OPRK1: variants seen among roughly 807,000 people sequenced by gnomAD.
OPRK1 encodes kappa-type opioid receptor.
In OPRK1, 15 loss-of-function variants were observed where a neutral mutation model predicts 24.5. The ratio of observed to expected loss-of-function variants is 0.61; its 90% CI spans 0.41 to 0.94. The LOEUF (loss-of-function observed/expected upper bound fraction) is 0.94, where lower values mean the gene tolerates loss of function less well. Among genes scored for constraint, OPRK1 ranks in the 40% least tolerant of loss-of-function variants. The probability of loss-of-function intolerance (pLI) is 0.00; values close to 1 mark genes in which losing one functional copy is unlikely to be tolerated. For missense variants in OPRK1, 479 were observed against 507.3 expected, an observed-to-expected ratio of 0.94 and a Z score of 0.54; for synonymous variants, 205 against 198.0, an observed-to-expected ratio of 1.04 and a Z score of -0.30.
intron 2 of OPRK1, among the ~76,000 whole-genome samples, chr8:53,245,223 C>G (rs1807202203): frequency 6.6e-6 from 1 of 152,116 alleles, no homozygotes; most frequent in Non-Finnish European, 1.5e-5. Context: ...GAGACAGGAG[C>G]TTTAAAGAGA....
Position 53,229,441 on chromosome 8 carries a change from A to G in OPRK1, c.999T>C (p.Leu333=). Residue 333 remains leucine (L), a synonymous_variant, in exon 4 of 4, where the codon CTT becomes CTC. Coordinates refer to ENST00000265572, the MANE Select transcript of OPRK1 (RefSeq NM_000912.5). The part of the protein sequence containing the change: ...SSLNPILYAF[L]DENFKRCFRD... ...GGAAACACCGCTTGAAGTTTTCATC[A>G]AGAAAGGCGTAGAGAATGGGATTCA... 6.2e-7 allele frequency: 1 copy of G among 1,614,190 alleles called. No individual in the cohort carries two copies. The highest frequency in any genetic ancestry group is 8.5e-7 in the Non-Finnish European group (1 of 1,180,042).
intron 2 of OPRK1, among the ~76,000 whole-genome samples, chr8:53,250,069 C>CCACA (rs369426050): frequency 0.02 from 2,646 of 130,466 alleles, 51 homozygotes; most frequent in African/African-American, 0.048. Flanking sequence ...GAAGAAATTT[C>CCACA]CACACACACA....
At chr8:53,247,343 G>T (rs1253336433) in intron 2 of OPRK1, among the ~76,000 whole-genome samples, 2 of 152,174 alleles carry the variant, frequency 1.3e-5, no homozygotes, top group East Asian at 3.8e-4. Flanking sequence ...AGTTACCCAG[G>T]TGTAACCTTA....
At chr8:53,232,898 A>G (rs1005727571) in intron 3 of OPRK1, among the ~76,000 whole-genome samples, 2 of 152,242 alleles carry the variant, frequency 1.3e-5, no homozygotes, top group African/African-American at 4.8e-5. Context: ...ACACACACAT[A>G]TACTACAGTA....
At chr8:53,249,876 C>T (rs1807327807) in intron 2 of OPRK1, among the ~76,000 whole-genome samples, 1 of 152,200 alleles carries the variant, frequency 6.6e-6, no homozygotes, top group South Asian at 2.1e-4. Flanking sequence ...TACTCCCTCT[C>T]ACAGGTGTGT....
Position 53,227,368 on chromosome 8 carries a change from C to G in OPRK1, c.*1929G>C, listed in dbSNP as rs553782073. ...TACTTTGCACTGGAAAGGAATCTGA[C>G]GAGAAAGTCTCTTGGGTTTTCCTGT... is the stretch of plus-strand genomic sequence containing the variant. On this transcript the variant is annotated 3_prime_UTR_variant, in exon 4 of 4. Coordinates refer to ENST00000265572, the MANE Select transcript of OPRK1 (RefSeq NM_000912.5). 6.6e-6 allele frequency: 1 copy of G among 151,932 alleles called. No homozygotes were observed. The highest frequency in any genetic ancestry group is 1.5e-5 in the Non-Finnish European group (1 of 68,024). 9.4% of individuals were successfully genotyped at this position (151,932 alleles called of 1,614,324 possible). A position where few individuals can be genotyped will look rare whatever the true frequency, so the allele number is the denominator to read the frequency against.
At chr8:53,229,880 C>A in intron 3 of OPRK1, 51 bp from the exon 4 acceptor site, 2 of 1,479,434 alleles carry the variant, frequency 1.4e-6, no homozygotes, top group East Asian at 2.3e-5. Context: ...ATTGTTATTA[C>A]CGTGGCTGCA....
intron 2 of OPRK1, 100 bp from the exon 3 acceptor site, chr8:53,235,211 C>A: frequency 1.1e-6 from 1 of 945,464 alleles, no homozygotes; most frequent in East Asian, 2.5e-5. Context: ...TTTGCTTCTT[C>A]ATTCAATTAT....
At chr8:53,235,735 T>A (rs1806975819) in intron 2 of OPRK1, among the ~76,000 whole-genome samples, 1 of 152,208 alleles carries the variant, frequency 6.6e-6, no homozygotes, top group African/African-American at 2.4e-5. Flanking sequence ...GCACTAAGCA[T>A]AGTATGGTAC....
chr8:53,232,930 T>C (rs530722708), intron 3 of OPRK1, among the ~76,000 whole-genome samples: 6 of 152,234 alleles, frequency 3.9e-5, no homozygotes, highest in Non-Finnish European at 8.8e-5. Flanking sequence ...AGAGTCAACA[T>C]TTTACGTTCA....
At chr8:53,247,440 T>C (rs1469112871) in intron 2 of OPRK1, among the ~76,000 whole-genome samples, 1 of 152,208 alleles carries the variant, frequency 6.6e-6, no homozygotes, top group Non-Finnish European at 1.5e-5. Flanking sequence ...GATTAAATAA[T>C]TCACATGAAG....
At position 53,240,822 on chromosome 8, in the gene OPRK1, A is replaced by G. The variant is rs1041725488; in HGVS notation, c.258-5711T>C. Among the ~76,000 whole-genome samples, 3 of 152,278 alleles carry G rather than the reference A, an allele frequency of 2.0e-5. No individual in the cohort carries two copies. The East Asian group carries it at 5.8e-4, about 29-fold the overall frequency. ...ATCTTGAAATTTGCTGATTGAGTAG[A>G]TCTTAACTGTACTCACCCCTCCAAT... On this transcript the variant is annotated intron_variant, in intron 2 of 3. Transcript: ENST00000265572.
chr8:53,229,905 T>A, intron 3 of OPRK1, 76 bp from the exon 4 acceptor site: 4 of 1,325,968 alleles, frequency 3.0e-6, no homozygotes, highest in Non-Finnish European at 4.1e-6. Flanking sequence ...GTTTTAAATA[T>A]GAATTTTAAT....
intron 2 of OPRK1, among the ~76,000 whole-genome samples, chr8:53,241,834 G>T (rs993125742): frequency 8.5e-5 from 13 of 152,330 alleles, no homozygotes; most frequent in Admixed American, 2.0e-4. Flanking sequence ...ATGCAGAGTG[G>T]CAGCAAGCAA....
At chr8:53,243,308 G>T (rs1807157181) in intron 2 of OPRK1, among the ~76,000 whole-genome samples, 2 of 152,336 alleles carry the variant, frequency 1.3e-5, no homozygotes, top group South Asian at 4.1e-4. Flanking sequence ...AAATATTGCT[G>T]CTGATGAGAT....
chr8:53,251,242 A>G, intron 1 of OPRK1, 157 bp from the exon 2 acceptor site: 1 of 805,640 alleles, frequency 1.2e-6, no homozygotes, highest in Non-Finnish European at 1.8e-6. Context: ...CTTTCCGGCC[A>G]GCAGGCGCGC....
At chr8:53,239,805 A>G (rs1018400920) in intron 2 of OPRK1, among the ~76,000 whole-genome samples, 15 of 152,218 alleles carry the variant, frequency 9.9e-5, no homozygotes, top group African/African-American at 3.6e-4. Flanking sequence ...CCATATCACA[A>G]TCCCATAAGA....
chr8:53,250,669 A>T, intron 2 of OPRK1, 112 bp downstream of exon 2: 1 of 1,142,734 alleles, frequency 8.8e-7, no homozygotes, highest in Non-Finnish European at 1.2e-6. Flanking sequence ...TCCTTCACGG[A>T]ACAGAGTCCC....
At chr8:53,241,067 C>A (rs964257915) in intron 2 of OPRK1, among the ~76,000 whole-genome samples, 1 of 152,110 alleles carries the variant, frequency 6.6e-6, no homozygotes, top group Non-Finnish European at 1.5e-5. Context: ...GCAGGCTCAT[C>A]AGTCCCACAA....
Sources: allele counts gnomAD v4.1 joint callset (sites outside exome capture counted in the v4.1 genomes callset), GRCh38; gene constraint gnomAD v4.1.1; transcripts MANE v1.5; gene names NCBI Gene and HGNC (gene_info 2026-07-23, HGNC 2026-07-21).